The following RAB8A variants were observed in gnomAD, a reference collection of about 807,000 sequenced individuals.
RAB8A encodes the protein RAB8A, member RAS oncogene family.
RAB8A carries 5 observed loss-of-function variants against 29.2 expected under a neutral mutation model. That is an observed-to-expected ratio of 0.17 (90% CI 0.09 to 0.36). RAB8A has a LOEUF of 0.36. RAB8A is among the 10% of genes least tolerant of loss of function. The pLI is 1.00. For missense variants in RAB8A, 171 were observed against 272.2 expected, an observed-to-expected ratio of 0.63 and a Z score of 2.62; for synonymous variants, 108 against 99.9, an observed-to-expected ratio of 1.08 and a Z score of -0.49.
intron 1 of RAB8A, among the ~76,000 whole-genome samples, chr19:16,113,195 G>A (rs1219388215): frequency 6.6e-6 from 1 of 152,188 alleles, no homozygotes; most frequent in African/African-American, 2.4e-5. Flanking sequence ...CTATTTGAGT[G>A]GCTTGTGAGC....
rs1027818548 is a variant in RAB8A at position 16,125,168 on chromosome 19, G to A, written c.247-302G>A. Reference sequence around the variant, plus strand: ...GCTGCACCACCCCGTGGGCCATGAGGGGAGCCAGCCGGGCTTGTCAGCGAG... The same window carrying A: ...GCTGCACCACCCCGTGGGCCATGAGAGGAGCCAGCCGGGCTTGTCAGCGAG... On this transcript the variant is annotated intron_variant, in intron 3 of 7. Transcript: ENST00000300935. The surrounding 1 kb of genome is among the most constrained non-coding windows in gnomAD (Gnocchi z 5.0). 5 of 488,604 alleles carry A rather than the reference G, an allele frequency of 1.0e-5. No homozygotes were observed. The highest frequency in any genetic ancestry group is 1.9e-5 in the Non-Finnish European group (5 of 265,624). The allele number at this position is 488,604 out of a possible 1,614,324, so 30.3% of individuals were successfully genotyped here.
rs2090910401 is a variant in RAB8A at position 16,128,215 on chromosome 19, A to G, written c.480+124A>G. ...GACCAGCCTCGGGCTCAGGGCTGCC[A>G]GTCAGTCCTCTGAGGGACATTTCCT... On this transcript the variant is annotated intron_variant, in intron 6 of 7. Transcript: ENST00000300935. The G allele has an allele frequency of 3.8e-5, 38 of 1,011,462 alleles. 2 individuals are homozygous for G. The South Asian group carries it at 5.6e-4, about 15-fold the overall frequency. The allele number at this position is 1,011,462 out of a possible 1,614,324, so 62.7% of individuals were successfully genotyped here.
chr19:16,125,782 T>C lies in RAB8A; in HGVS notation c.324+235T>C. The C allele has an allele frequency of 1.5e-6, 1 of 656,660 alleles. No individual in the cohort carries two copies. Among genetic ancestry groups the C allele is most frequent in the Admixed American group, 2.1e-5 (1 of 47,556 alleles). 40.7% of individuals were successfully genotyped at this position (656,660 alleles called of 1,614,324 possible). On this transcript the variant is annotated intron_variant, in intron 4 of 7. Coordinates refer to ENST00000300935, the MANE Select transcript of RAB8A (RefSeq NM_005370.5). The surrounding 1 kb of genome is among the most constrained non-coding windows in gnomAD (Gnocchi z 5.0). ...GGAGCCCATCCCTCCAGCTAGGCTGTTGGATCTGGCCAGTGTCATGGTTAT... is the reference window on the plus strand; with the variant it reads ...GGAGCCCATCCCTCCAGCTAGGCTGCTGGATCTGGCCAGTGTCATGGTTAT...
At chr19:16,114,167 GC>G in intron 1 of RAB8A, among the ~76,000 whole-genome samples, 1 of 152,170 alleles carries the variant, frequency 6.6e-6, no homozygotes, top group East Asian at 1.9e-4. Context: ...CACTTGGGAG[GC>G]CAAGGTGGGA....
chr19:16,123,188 T>C (rs1424118413), intron 3 of RAB8A, among the ~76,000 whole-genome samples: 1 of 152,204 alleles, frequency 6.6e-6, no homozygotes, highest in African/African-American at 2.4e-5. Context: ...CTGGGCTGTT[T>C]GTCTCTAGCA....
intron 1 of RAB8A, among the ~76,000 whole-genome samples, chr19:16,115,235 C>A (rs542983630): frequency 6.6e-6 from 1 of 152,088 alleles, no homozygotes; most frequent in East Asian, 1.9e-4. Context: ...TTGCAGTGAG[C>A]CAAGATTGTG....
chr19:16,120,374 A>G (rs937283683), intron 2 of RAB8A, among the ~76,000 whole-genome samples: 5 of 142,630 alleles, frequency 3.5e-5, no homozygotes, highest in African/African-American at 1.3e-4. Context: ...GTGCAGTGGC[A>G]TGATCTCAGC....
At chr19:16,120,257 G>A (rs948654001) in intron 2 of RAB8A, among the ~76,000 whole-genome samples, 7 of 151,686 alleles carry the variant, frequency 4.6e-5, no homozygotes, top group South Asian at 4.2e-4. Context: ...TGGGCTTGGA[G>A]ACAAAAGACC....
At position 16,127,930 on chromosome 19, in the gene RAB8A, C is replaced by T; in HGVS notation, c.415-96C>T. Reference sequence around the variant, plus strand: ...ACAGCCCCAGCCCTGTTGCTGCTCCCTCTTGGCGCCGGCCCTGCCTTCAGC... The same window carrying T: ...ACAGCCCCAGCCCTGTTGCTGCTCCTTCTTGGCGCCGGCCCTGCCTTCAGC... On this transcript the variant is annotated intron_variant, in intron 5 of 7. Coordinates refer to ENST00000300935, the MANE Select transcript of RAB8A (RefSeq NM_005370.5). This position sits in a 1 kb window ranked among gnomAD's most constrained non-coding sequence, Gnocchi z 4.8. The T allele has an allele frequency of 7.6e-7, 1 of 1,310,488 alleles. No individual in the cohort carries two copies. The highest frequency in any genetic ancestry group is 1.1e-6 in the Non-Finnish European group (1 of 907,994). 81.2% of individuals were successfully genotyped at this position (1,310,488 alleles called of 1,614,324 possible). A position where few individuals can be genotyped will look rare whatever the true frequency, so the allele number is the denominator to read the frequency against.
rs888788890 is a variant in RAB8A, at chr19:16,115,082, C to T, written c.124+3057C>T. The stretch of plus-strand genomic sequence containing the variant: ...GAATGTTTTAGGAAGCCCAGGCACA[C>T]TGGGCTGTCTAGTCCTGAAGCAGTA... On this transcript the variant is annotated intron_variant, in intron 1 of 7. Coordinates refer to ENST00000300935, the MANE Select transcript of RAB8A (RefSeq NM_005370.5). Among the ~76,000 whole-genome samples, 3 of 152,154 alleles carry T rather than the reference C, an allele frequency of 2.0e-5. No individual in the cohort carries two copies. In the East Asian group the frequency reaches 5.8e-4, roughly 29 times the overall value.
At chr19:16,112,146 GC>G in intron 1 of RAB8A, 121 bp downstream of exon 1, 6 of 1,389,630 alleles carry the variant, frequency 4.3e-6, no homozygotes, top group Non-Finnish European at 5.8e-6. Context: ...GGTCGAGGGG[GC>G]CTAAAGGGAG....
chr19:16,121,151 A>T (rs1254432058), intron 2 of RAB8A, among the ~76,000 whole-genome samples: 1 of 151,860 alleles, frequency 6.6e-6, no homozygotes, highest in East Asian at 1.9e-4. Context: ...TCCTGACCTC[A>T]GGTGGTCCAC....
intron 1 of RAB8A, among the ~76,000 whole-genome samples, chr19:16,116,944 C>A (rs75027753): frequency 0.15 from 23,131 of 151,566 alleles, 1,922 homozygotes; most frequent in Non-Finnish European, 0.19. Flanking sequence ...ATGTGCCCCC[C>A]CAGCCCCAGA....
rs1263865480 is a variant in RAB8A, at chr19:16,125,871, G to T, written c.324+324G>T. On this transcript the variant is annotated intron_variant, in intron 4 of 7. Transcript: ENST00000300935. The surrounding 1 kb of genome is among the most constrained non-coding windows in gnomAD (Gnocchi z 5.0). Reference sequence around the variant, plus strand: ...TTGGGTGCTTTCTAGAGAAGGAAGGGTCTAGCACAGGTGTGACCCTTGTAG... The same window carrying T: ...TTGGGTGCTTTCTAGAGAAGGAAGGTTCTAGCACAGGTGTGACCCTTGTAG... The T allele has an allele frequency of 2.2e-6, 1 of 452,950 alleles. No individual in the cohort carries two copies. Among genetic ancestry groups the T allele is most frequent in the Non-Finnish European group, 4.1e-6 (1 of 240,976 alleles). The allele number at this position is 452,950 out of a possible 1,614,324, so 28.1% of individuals were successfully genotyped here. A position where few individuals can be genotyped will look rare whatever the true frequency, so the allele number is the denominator to read the frequency against.
rs115417760 is a variant in RAB8A at position 16,127,280 on chromosome 19, G to T, written c.325-157G>T. Among the ~76,000 whole-genome samples, 780 of 152,234 alleles carry T rather than the reference G, an allele frequency of 5.1e-3. 11 individuals carry two copies. Among genetic ancestry groups the T allele is most frequent in the African/African-American group, 0.018 (733 of 41,556 alleles). On this transcript the variant is annotated intron_variant, in intron 4 of 7. Coordinates refer to ENST00000300935, the MANE Select transcript of RAB8A (RefSeq NM_005370.5). This position sits in a 1 kb window ranked among gnomAD's most constrained non-coding sequence, Gnocchi z 4.8. ...TTGGCTGTGTGACATGGGGCCGGCTGCTTGGCCTCTCTGAGCTTCAGCTTG... is the reference window on the plus strand; with the variant it reads ...TTGGCTGTGTGACATGGGGCCGGCTTCTTGGCCTCTCTGAGCTTCAGCTTG...
At chr19:16,115,273 G>T (rs1158060927) in intron 1 of RAB8A, among the ~76,000 whole-genome samples, 2 of 150,640 alleles carry the variant, frequency 1.3e-5, no homozygotes, top group African/African-American at 4.9e-5. Flanking sequence ...GGGCAACAGA[G>T]CAAAACTCTG....
intron 6 of RAB8A, among the ~76,000 whole-genome samples, chr19:16,128,859 C>G (rs1405277525): frequency 2.0e-5 from 3 of 152,210 alleles, no homozygotes; most frequent in African/African-American, 7.2e-5. Context: ...CCTTCAGTCT[C>G]CCCTGGGCCT....
intron 1 of RAB8A, chr19:16,112,486 G>C (rs569379927): frequency 1.7e-5 from 3 of 172,360 alleles, no homozygotes; most frequent in African/African-American, 7.2e-5. Context: ...TTCAGTTCTT[G>C]GTGTTAAGTG....
At chr19:16,123,263 G>A (rs2090882773) in intron 3 of RAB8A, among the ~76,000 whole-genome samples, 1 of 152,188 alleles carries the variant, frequency 6.6e-6, no homozygotes, top group South Asian at 2.1e-4. Context: ...AGGCCAACCT[G>A]AACAGATGCC....
Sources: allele counts gnomAD v4.1 joint callset (sites outside exome capture counted in the v4.1 genomes callset), GRCh38; gene constraint gnomAD v4.1.1; non-coding constraint Gnocchi (gnomAD v3.1); transcripts MANE v1.5; gene names NCBI Gene and HGNC (gene_info 2026-07-23, HGNC 2026-07-21).